BAIAP2: variants seen among roughly 807,000 people sequenced by gnomAD.
BAIAP2 encodes the protein BAR/IMD domain containing adaptor protein 2.
A neutral mutation model predicts 63.0 loss-of-function variants in BAIAP2; 18 were observed. The ratio of observed to expected loss-of-function variants is 0.29; its 90% CI spans 0.20 to 0.42. The LOEUF is 0.42. BAIAP2 is among the 10% of genes least tolerant of loss of function. BAIAP2 has a pLI of 1.00. For missense variants in BAIAP2, 610 were observed against 734.3 expected (o/e 0.83, Z 1.96); for synonymous variants, 386 against 307.6 (o/e 1.25, Z -2.67).
chr17:81,069,886 G>A (rs2052260463), intron 3 of BAIAP2, among the ~76,000 whole-genome samples: 1 of 152,232 alleles, frequency 6.6e-6, no homozygotes, highest in African/African-American at 2.4e-5. Flanking sequence ...GGTGACCAGG[G>A]TCTTTGGAGA....
intron 3 of BAIAP2, among the ~76,000 whole-genome samples, chr17:81,066,192 G>T (rs909672716): frequency 6.6e-6 from 1 of 152,234 alleles, no homozygotes; most frequent in Non-Finnish European, 1.5e-5. Flanking sequence ...GGTGCCCACA[G>T]CATGCTTGTT....
At chr17:81,115,484 C>CGCTCT (rs1568207074) in intron 13 of BAIAP2, among the ~76,000 whole-genome samples, 1 of 145,752 alleles carries the variant, frequency 6.9e-6, no homozygotes, top group Non-Finnish European at 1.5e-5. Context: ...CGCCCCACCC[C>CGCTCT]GCCCTGCCCT....
chr17:81,116,280 G>A lies in BAIAP2; in HGVS notation c.*441G>A, dbSNP rs1213816233. On this transcript the variant is annotated 3_prime_UTR_variant, in exon 14 of 14. Transcript: ENST00000428708. ...GAAGGCCGGGAGCACGGGGATGGGA[G>A]CGCCCGCACCCTGGCTGGAAGATGA... is the stretch of plus-strand genomic sequence containing the variant. 3 of 1,612,786 alleles carry A rather than the reference G, an allele frequency of 1.9e-6. No individual in the cohort carries two copies. The Admixed American group carries it at 5.0e-5, about 27-fold the overall frequency.
At chr17:81,039,659 C>T (rs1291700746) in intron 1 of BAIAP2, among the ~76,000 whole-genome samples, 2 of 151,426 alleles carry the variant, frequency 1.3e-5, no homozygotes, top group Admixed American at 6.6e-5. Context: ...CAGGGGCCAC[C>T]GTTAGATGGG....
chr17:81,067,813 T>C (rs1180559248), intron 3 of BAIAP2, among the ~76,000 whole-genome samples: 1 of 152,212 alleles, frequency 6.6e-6, no homozygotes, highest in Non-Finnish European at 1.5e-5. Flanking sequence ...AGCTGGTCTC[T>C]CCCCTGAGAT....
At chr17:81,106,018 C>G (rs954363464) in intron 10 of BAIAP2, 60 bp from the exon 11 acceptor site, 1 of 1,452,180 alleles carries the variant, frequency 6.9e-7, no homozygotes, top group African/African-American at 1.4e-5. Flanking sequence ...GGATGGTGGT[C>G]GGTGGGGGAT....
chr17:81,064,061 C>T lies in BAIAP2; in HGVS notation c.217+6094C>T, dbSNP rs1401674996. Among the ~76,000 whole-genome samples the T allele has an allele frequency of 3.9e-5, 6 of 152,268 alleles. No individual in the cohort carries two copies. The South Asian group carries it at 6.2e-4, about 16-fold the overall frequency. ...GTCCTCTCTCTGCTGGCCTCCCACC[C>T]GGGCCCCTCTGGGTGTGGCCTTGTG... On this transcript the variant is annotated intron_variant, in intron 3 of 13. Coordinates refer to ENST00000428708, the MANE Select transcript of BAIAP2 (RefSeq NM_001144888.2).
At chr17:81,067,321 C>T (rs1038472667) in intron 3 of BAIAP2, among the ~76,000 whole-genome samples, 8 of 152,362 alleles carry the variant, frequency 5.3e-5, no homozygotes, top group South Asian at 2.1e-4. Context: ...ACCGCCTGTT[C>T]GCAGAGGCGC....
chr17:81,088,130 C>CG (rs2056035624), intron 6 of BAIAP2, among the ~76,000 whole-genome samples: 1 of 152,076 alleles, frequency 6.6e-6, no homozygotes, highest in Non-Finnish European at 1.5e-5. Flanking sequence ...AAGCAGCGGA[C>CG]GGCACCCCTG....
chr17:81,053,495 C>T, intron 1 of BAIAP2, 173 bp from the exon 2 acceptor site: 1 of 673,718 alleles, frequency 1.5e-6, no homozygotes, highest in South Asian at 1.8e-5. Flanking sequence ...TTCCCAAGGA[C>T]ATTGATCAGG....
chr17:81,051,334 C>T (rs2048652527), intron 1 of BAIAP2, among the ~76,000 whole-genome samples: 1 of 152,208 alleles, frequency 6.6e-6, no homozygotes, highest in South Asian at 2.1e-4. Context: ...CGCCAGGGCC[C>T]TTGGCTAAAA....
At position 81,084,858 on chromosome 17, in the gene BAIAP2, GTCCACAGGCAGA is replaced by G; in HGVS notation, c.249_260del (p.His83_Ile86del). The G allele has an allele frequency of 6.2e-7, 1 of 1,613,894 alleles. No individual in the cohort carries two copies. The highest frequency in any genetic ancestry group is 8.5e-7 in the Non-Finnish European group (1 of 1,180,028). On this transcript the variant is annotated inframe_deletion, in exon 4 of 14. Transcript: ENST00000428708. ...AGACGTTCTCTTCCAGATGGCTGAAGTCCACAGGCAGATCCAGAATCAGCTGGAAGAAATGGT... is the reference window on the plus strand; with the variant it reads ...AGACGTTCTCTTCCAGATGGCTGAAGTCCAGAATCAGCTGGAAGAAATGGT...
At position 81,046,229 on chromosome 17, in the gene BAIAP2, C is replaced by T. The variant is rs983193813; in HGVS notation, c.55-7439C>T. 8.5e-5 allele frequency among the ~76,000 whole-genome samples: 13 copies of T among 152,254 alleles called. No individual in the cohort carries two copies. Among genetic ancestry groups the T allele is most frequent in the East Asian group, 3.9e-4 (2 of 5,182 alleles). ...CCTTCAGGCCCCCGTCCTAACCCTG[C>T]GCGCCGTTTCCTCCCAGAAACTTCC... On this transcript the variant is annotated intron_variant, in intron 1 of 13. Transcript: ENST00000428708. This position sits in a 1 kb window ranked among gnomAD's most constrained non-coding sequence, Gnocchi z 4.5.
chr17:81,075,089 T>A (rs2053437636), intron 3 of BAIAP2, among the ~76,000 whole-genome samples: 1 of 152,220 alleles, frequency 6.6e-6, no homozygotes, highest in Non-Finnish European at 1.5e-5. Flanking sequence ...AACCCCTGGG[T>A]GTGGTTGTGA....
intron 13 of BAIAP2, among the ~76,000 whole-genome samples, chr17:81,111,888 C>G (rs1411626027): frequency 1.3e-5 from 2 of 152,276 alleles, no homozygotes; most frequent in Non-Finnish European, 2.9e-5. Context: ...GCATCCTTCA[C>G]AAAGGACGTT....
intron 3 of BAIAP2, among the ~76,000 whole-genome samples, chr17:81,077,258 C>G (rs1452436102): frequency 6.6e-6 from 1 of 152,112 alleles, no homozygotes; most frequent in Non-Finnish European, 1.5e-5. Flanking sequence ...GACTCGATCC[C>G]CACACCGGCC....
chr17:81,072,286 T>C (rs753114788), intron 3 of BAIAP2, among the ~76,000 whole-genome samples: 3 of 152,178 alleles, frequency 2.0e-5, no homozygotes, highest in Admixed American at 1.3e-4. Flanking sequence ...GTTCCTTGAT[T>C]CCCTCCGGCT....
At chr17:81,086,966 G>A (rs1372019248) in intron 6 of BAIAP2, 2 of 190,922 alleles carry the variant, frequency 1.0e-5, no homozygotes, top group Non-Finnish European at 2.2e-5. Flanking sequence ...GGTACTTCAG[G>A]TTCCTCGAGG....
At chr17:81,039,054 C>G (rs1308231427) in intron 1 of BAIAP2, among the ~76,000 whole-genome samples, 1 of 152,264 alleles carries the variant, frequency 6.6e-6, no homozygotes, top group Non-Finnish European at 1.5e-5. Context: ...CCCCCATGGG[C>G]ACCATCTTGC....
Sources: gnomAD v4.1 joint callset for allele counts (sites outside exome capture counted in the v4.1 genomes callset) on GRCh38, gnomAD v4.1.1 for gene constraint, Gnocchi (gnomAD v3.1) non-coding constraint, MANE v1.5 for transcripts, NCBI Gene and HGNC (gene_info 2026-07-23, HGNC 2026-07-21) for gene names.